ECT2L: variants seen among roughly 807,000 people sequenced by gnomAD.
ECT2L encodes the protein epithelial cell-transforming sequence 2 oncogene-like.
Under a neutral mutation model 122.8 loss-of-function variants are expected in ECT2L, and 126 were observed. The ratio of observed to expected loss-of-function variants is 1.03; its 90% confidence interval spans 0.89 to 1.19. ECT2L has a LOEUF of 1.19. Among genes scored for constraint, ECT2L ranks in the 50% most tolerant of loss-of-function variants. The probability of loss-of-function intolerance (pLI) is 0.00; values close to 1 mark genes in which losing one functional copy is unlikely to be tolerated. For missense variants in ECT2L, 1,012 were observed against 1,064.1 expected, an observed-to-expected ratio of 0.95 and a Z score of 0.68; for synonymous variants, 385 against 381.8, an observed-to-expected ratio of 1.01 and a Z score of -0.10.
intron 4 of ECT2L, among the ~76,000 whole-genome samples, chr6:138,815,240 A>G (rs1300878709): frequency 6.6e-6 from 1 of 152,194 alleles, no homozygotes; most frequent in Non-Finnish European, 1.5e-5. Context: ...GAAGGTCACA[A>G]TACCTGAGTT....
chr6:138,858,500 A>C (rs1404560024), intron 10 of ECT2L, among the ~76,000 whole-genome samples: 1 of 152,124 alleles, frequency 6.6e-6, no homozygotes, highest in Non-Finnish European at 1.5e-5. Flanking sequence ...AAAAGTGTGC[A>C]ATTGACTAAA....
At chr6:138,808,058 G>GCACA (rs149490489) in intron 1 of ECT2L, among the ~76,000 whole-genome samples, 2 of 150,386 alleles carry the variant, frequency 1.3e-5, no homozygotes, top group Admixed American at 6.6e-5. Context: ...ACACAGCCAT[G>GCACA]CACACACACA....
chr6:138,886,999 G>C (rs755450450), intron 19 of ECT2L, 77 bp downstream of exon 19: 4 of 1,188,684 alleles, frequency 3.4e-6, no homozygotes, highest in African/African-American at 1.5e-5. Flanking sequence ...GAGACCTACA[G>C]ATCCCAAGGC....
chr6:138,822,491 G>T (rs570636118), intron 4 of ECT2L, among the ~76,000 whole-genome samples: 2 of 152,292 alleles, frequency 1.3e-5, no homozygotes, highest in African/African-American at 4.8e-5. Flanking sequence ...GGAGGTGGAG[G>T]TTGCAGTGAA....
intron 12 of ECT2L, 94 bp from the exon 13 acceptor site, chr6:138,868,009 A>AAAAAAG (rs1334486817): frequency 2.5e-6 from 2 of 789,956 alleles, no homozygotes; most frequent in East Asian, 6.3e-5. Flanking sequence ...CAAAAAAAAA[A>AAAAAAG]AAAAAAAAAA....
intron 13 of ECT2L, among the ~76,000 whole-genome samples, chr6:138,869,742 G>A (rs1368429937): frequency 1.3e-5 from 2 of 152,082 alleles, no homozygotes; most frequent in Non-Finnish European, 2.9e-5. Flanking sequence ...ATAGCCTGAG[G>A]GGAACCAAAT....
At chr6:138,891,354 A>G (rs572699893) in intron 20 of ECT2L, among the ~76,000 whole-genome samples, 18 of 152,306 alleles carry the variant, frequency 1.2e-4, no homozygotes, top group African/African-American at 4.3e-4. Context: ...TCCTCTTTCC[A>G]GGTCTTTTCC....
chr6:138,854,781 T>C (rs1052091270), intron 10 of ECT2L, among the ~76,000 whole-genome samples: 1 of 152,226 alleles, frequency 6.6e-6, no homozygotes, highest in Non-Finnish European at 1.5e-5. Context: ...GTTGCTGATA[T>C]CATTTTAAGT....
chr6:138,829,037 T>G (rs1776557157), intron 4 of ECT2L, among the ~76,000 whole-genome samples: 1 of 147,138 alleles, frequency 6.8e-6, no homozygotes, highest in African/African-American at 2.5e-5. Context: ...TTTTTTTTTT[T>G]GTAGAGATGG....
intron 4 of ECT2L, among the ~76,000 whole-genome samples, chr6:138,830,879 A>C (rs1776626986): frequency 6.6e-6 from 1 of 152,046 alleles, no homozygotes; most frequent in Admixed American, 6.6e-5. Context: ...CTTTTATTTA[A>C]TATTTCTCTA....
intron 1 of ECT2L, among the ~76,000 whole-genome samples, chr6:138,800,832 T>C (rs1292531898): frequency 6.6e-6 from 1 of 152,234 alleles, no homozygotes; most frequent in East Asian, 1.9e-4. Context: ...AGAATAGGAA[T>C]GTATTTCTCA....
chr6:138,858,888 A>G (rs577368492), intron 10 of ECT2L, among the ~76,000 whole-genome samples: 5 of 151,350 alleles, frequency 3.3e-5, no homozygotes, highest in Non-Finnish European at 1.5e-5. Context: ...TTTTATTTTT[A>G]GTAGAGACAG....
chr6:138,834,691 A>C (rs909922088), intron 4 of ECT2L, among the ~76,000 whole-genome samples: 1 of 152,200 alleles, frequency 6.6e-6, no homozygotes, highest in East Asian at 1.9e-4. Flanking sequence ...AGTCTAACTC[A>C]GGCAATGAGG....
rs71009601 is a variant in ECT2L, at chr6:138,867,655, CAAAAAA to C, written c.1475-430_1475-425del. Among the ~76,000 whole-genome samples the C allele has an allele frequency of 4.3e-3, 487 of 114,416 alleles. 2 individuals carry two copies. The highest frequency in any genetic ancestry group is 9.3e-3 in the Middle Eastern group (2 of 216). 75.1% of individuals were successfully genotyped at this position (114,416 alleles called of 152,430 possible). The stretch of plus-strand genomic sequence containing the variant: ...TGAAACCCGGTCTCTCCTAAAACTA[CAAAAAA>C]AAAAAAAAAAAAAAAAATTTAGCTG... On this transcript the variant is annotated intron_variant, in intron 12 of 21. Transcript: ENST00000541398.
At chr6:138,824,870 G>A (rs976136280) in intron 4 of ECT2L, among the ~76,000 whole-genome samples, 4 of 152,170 alleles carry the variant, frequency 2.6e-5, no homozygotes, top group African/African-American at 4.8e-5. Context: ...CACGATACTC[G>A]TTCCAGCTAC....
At position 138,854,106 on chromosome 6, in the gene ECT2L, G is replaced by C. The variant is rs776034165; in HGVS notation, c.1150G>C (p.Glu384Gln). Residue 384 changes from glutamate to glutamine, a missense_variant, in exon 10 of 22, where the codon GAA becomes CAA. Glu to Gln is a conservative substitution (Grantham distance 29). Transcript: ENST00000541398. ...WEKLGSYVAT[E>Q]EEGGHVDFFV... ...GAAATTAGGAAGCTATGTGGCCACT[G>C]AAGAAGAAGGGGGTCACGTGGACTT... 3 of 1,614,154 alleles carry C rather than the reference G, an allele frequency of 1.9e-6. No homozygotes were observed. The highest frequency in any genetic ancestry group is 1.7e-6 in the Non-Finnish European group (2 of 1,180,010).
rs1458150201 is a variant in ECT2L at position 138,844,435 on chromosome 6, C to G, written c.619C>G (p.Pro207Ala). 6.2e-7 allele frequency: 1 copy of G among 1,613,976 alleles called. No homozygotes were observed. Among genetic ancestry groups the G allele is most frequent in the African/African-American group, 1.3e-5 (1 of 74,932 alleles). The change falls in exon 7 of 22, where the codon CCT (proline) becomes GCT (alanine). Residue 207 changes from proline (P) to alanine (A), a missense_variant. Pro to Ala is a conservative substitution (Grantham distance 27, BLOSUM62 -1). Transcript: ENST00000541398. ...AGAGGAGTTATTCAAAGTTCGACCC[C>G]CTTGGGTGAGTGGAACTTGCTGCTC... ...RKKELFKVRPPWVSGTCCSSV... is the reference protein window; with the variant it reads ...RKKELFKVRPAWVSGTCCSSV...
intron 20 of ECT2L, among the ~76,000 whole-genome samples, chr6:138,894,729 G>A (rs976368033): frequency 6.6e-6 from 1 of 152,112 alleles, no homozygotes; most frequent in Non-Finnish European, 1.5e-5. Flanking sequence ...TAAAATCTTG[G>A]TAACTCTGGA....
At chr6:138,810,612 G>A (rs1422927725) in intron 1 of ECT2L, among the ~76,000 whole-genome samples, 1 of 152,194 alleles carries the variant, frequency 6.6e-6, no homozygotes, top group East Asian at 1.9e-4. Flanking sequence ...AAAAGAGAAT[G>A]TGATTGTTGG....
Sources: allele counts gnomAD v4.1 joint callset (sites outside exome capture counted in the v4.1 genomes callset), GRCh38; gene constraint gnomAD v4.1.1; transcripts MANE v1.5; gene names NCBI Gene and HGNC (gene_info 2026-07-23, HGNC 2026-07-21).